EHD2: variants seen among roughly 807,000 people sequenced by gnomAD.
EHD2 encodes the protein EH domain containing 2.
A neutral mutation model predicts 41.0 loss-of-function variants in EHD2; 27 were observed. The observed-to-expected ratio is 0.66, with a 90% CI of 0.49 to 0.91. The LOEUF (loss-of-function observed/expected upper bound fraction) is 0.91. EHD2 is among the 40% of genes least tolerant of loss of function. EHD2 has a pLI of 0.00. For missense variants in EHD2, 673 were observed against 773.9 expected, an observed-to-expected ratio of 0.87 and a Z score of 1.55; for synonymous variants, 342 against 341.0, an observed-to-expected ratio of 1.00 and a Z score of -0.03.
At chr19:47,717,071 A>C in intron 2 of EHD2, 55 bp downstream of exon 2, 1 of 1,595,016 alleles carries the variant, frequency 6.3e-7, no homozygotes, top group African/African-American at 1.3e-5. Flanking sequence ...GTTAAGACAG[A>C]GTTTCCGCTC....
intron 4 of EHD2, among the ~76,000 whole-genome samples, chr19:47,731,025 G>C (rs1041690478): frequency 1.3e-5 from 2 of 151,642 alleles, no homozygotes; most frequent in African/African-American, 4.8e-5. Flanking sequence ...CTATTTTAGA[G>C]CGCTCTGAAG....
At chr19:47,732,589 T>A (rs1439727330) in intron 4 of EHD2, among the ~76,000 whole-genome samples, 2 of 151,786 alleles carry the variant, frequency 1.3e-5, no homozygotes, top group Non-Finnish European at 2.9e-5. Flanking sequence ...CCAACTAGTT[T>A]TAAAATTTTT....
intron 5 of EHD2, among the ~76,000 whole-genome samples, chr19:47,736,778 G>C (rs911706623): frequency 6.6e-6 from 1 of 152,242 alleles, no homozygotes; most frequent in Non-Finnish European, 1.5e-5. Context: ...AAAAGTCCCA[G>C]AAAGTGATCC....
intron 4 of EHD2, chr19:47,731,267 T>TTTAA (rs1319877078): frequency 4.5e-4 from 29 of 65,164 alleles, no homozygotes; most frequent in African/African-American, 1.3e-3. Flanking sequence ...TGTGATTCTT[T>TTTAA]AAAAAAAAAA....
chr19:47,726,430 G>A (rs117940518), intron 4 of EHD2: 6,084 of 480,646 alleles, frequency 0.013, 49 homozygotes, highest in Non-Finnish European at 0.018. Flanking sequence ...TCAACTCCGT[G>A]TCACCCTGGC....
At position 47,740,560 on chromosome 19, in the gene EHD2, A is replaced by G. The variant is rs187726097; in HGVS notation, c.1081-321A>G. On this transcript the variant is annotated intron_variant, in intron 5 of 5. Transcript: ENST00000263277. ...CAGGAGTTCGAGACCAGCCTGGCCA[A>G]CATGGTGAAACGCTGTCTCTATTAA... 3.5e-4 allele frequency among the ~76,000 whole-genome samples: 53 copies of G among 152,270 alleles called. No individual in the cohort carries two copies. In the East Asian group the frequency reaches 9.6e-3, roughly 28 times the overall value.
rs779838632 is a variant in EHD2, at chr19:47,727,702, T to TAA, written c.915+1493_915+1494dup. Among the ~76,000 whole-genome samples, 503 of 126,154 alleles carry TAA rather than the reference T, an allele frequency of 4.0e-3. 6 individuals carry two copies. Among genetic ancestry groups the TAA allele is most frequent in the Admixed American group, 7.2e-3 (90 of 12,424 alleles). The allele number at this position is 126,154 out of a possible 152,430, so 82.8% of individuals were successfully genotyped here. A position where few individuals can be genotyped will look rare whatever the true frequency, so the allele number is the denominator to read the frequency against. On this transcript the variant is annotated intron_variant, in intron 4 of 5. Coordinates refer to ENST00000263277, the MANE Select transcript of EHD2 (RefSeq NM_014601.4). ...CAACATAGTGAGACACCATTTCTAT[T>TAA]AAAAAAAAAAAAAAAAGTTCTGATA...
At chr19:47,725,438 G>A (rs1437123532) in intron 3 of EHD2, among the ~76,000 whole-genome samples, 1 of 150,172 alleles carries the variant, frequency 6.7e-6, no homozygotes, top group Non-Finnish European at 1.5e-5. Context: ...GTGTGGTGAT[G>A]CGCGCCTGCA....
chr19:47,738,959 G>C (rs1002396965), intron 5 of EHD2, among the ~76,000 whole-genome samples: 2 of 152,252 alleles, frequency 1.3e-5, no homozygotes, highest in South Asian at 4.1e-4. Context: ...GGGAGGGGGT[G>C]GTCCCAGGAA....
intron 4 of EHD2, among the ~76,000 whole-genome samples, chr19:47,730,038 G>C (rs1486590126): frequency 1.3e-5 from 2 of 151,956 alleles, no homozygotes; most frequent in Admixed American, 1.3e-4. Flanking sequence ...GGGTCCCTTG[G>C]CGGGAGCTGG....
At chr19:47,732,791 A>G (rs2123653946) in intron 4 of EHD2, among the ~76,000 whole-genome samples, 1 of 152,236 alleles carries the variant, frequency 6.6e-6, no homozygotes, top group African/African-American at 2.4e-5. Flanking sequence ...TCGATAATTT[A>G]TAAGATTGTG....
intron 4 of EHD2, chr19:47,731,277 A>ATATATATATATATATATATGT (rs1424865629): frequency 1.5e-4 from 4 of 26,948 alleles, no homozygotes; most frequent in Admixed American, 3.7e-4. Context: ...TAAAAAAAAA[A>ATATATATATATATATATATGT]AAATATATAT....
At chr19:47,722,569 C>CTTT (rs34332497) in intron 3 of EHD2, among the ~76,000 whole-genome samples, 14 of 145,498 alleles carry the variant, frequency 9.6e-5, no homozygotes, top group African/African-American at 1.5e-4. Flanking sequence ...ACTTCTCTCT[C>CTTT]TTTTTTTTTT....
At chr19:47,733,774 A>AAAAAAAAAAAAAAAC in intron 4 of EHD2, among the ~76,000 whole-genome samples, 1 of 149,470 alleles carries the variant, frequency 6.7e-6, no homozygotes, top group African/African-American at 2.4e-5. Context: ...AAAAAAAAAA[A>AAAAAAAAAAAAAAAC]ATCCACTGTC....
intron 4 of EHD2, among the ~76,000 whole-genome samples, chr19:47,729,121 C>T (rs1358312276): frequency 1.3e-5 from 2 of 152,136 alleles, no homozygotes; most frequent in African/African-American, 4.8e-5. Flanking sequence ...CACTGGGGCT[C>T]CTGGAGAGGA....
In EHD2 at chr19:47,741,639, C is replaced by G; in HGVS notation, c.*207C>G. On this transcript the variant is annotated 3_prime_UTR_variant, in exon 6 of 6. Coordinates refer to ENST00000263277, the MANE Select transcript of EHD2 (RefSeq NM_014601.4). This position sits in a 1 kb window ranked among gnomAD's most constrained non-coding sequence, Gnocchi z 4.5. Reference sequence around the variant, plus strand: ...ACAAGGCTTCTCTGTCCGCCCTTCACACCTCCAGCCTCACGTTCACTTAGG... The same window carrying G: ...ACAAGGCTTCTCTGTCCGCCCTTCAGACCTCCAGCCTCACGTTCACTTAGG... 1.6e-6 allele frequency: 1 copy of G among 630,224 alleles called. No homozygotes were observed. Among genetic ancestry groups the G allele is most frequent in the South Asian group, 1.9e-5 (1 of 52,274 alleles). The allele number at this position is 630,224 out of a possible 1,614,324, so 39.0% of individuals were successfully genotyped here.
At chr19:47,721,320 C>CTT (rs961360178) in intron 3 of EHD2, among the ~76,000 whole-genome samples, 44 of 146,228 alleles carry the variant, frequency 3.0e-4, no homozygotes, top group Non-Finnish European at 4.7e-4. Flanking sequence ...TGTTATGCTA[C>CTT]TTTTTTTTTT....
At chr19:47,732,669 C>A (rs373937203) in intron 4 of EHD2, among the ~76,000 whole-genome samples, 6 of 152,138 alleles carry the variant, frequency 3.9e-5, no homozygotes, top group African/African-American at 1.2e-4. Context: ...GATCCTCCCC[C>A]CTTGGCTTCC....
In EHD2 at chr19:47,736,423, AAGG is replaced by A. The variant is rs751918633; in HGVS notation, c.973_975del (p.Glu325del). 5.0e-6 allele frequency: 8 copies of A among 1,613,276 alleles called. No individual in the cohort carries two copies. On this transcript the variant is annotated inframe_deletion, in exon 5 of 6. Coordinates refer to ENST00000263277, the MANE Select transcript of EHD2 (RefSeq NM_014601.4). ...GAAGGAGATGCCCTCTGTGTTTGGGAAGGAGAACAAGAAGAAGCAGCTGATCCT... is the reference window on the plus strand; with the variant it reads ...GAAGGAGATGCCCTCTGTGTTTGGGAAGAACAAGAAGAAGCAGCTGATCCT...
Sources: allele counts gnomAD v4.1 joint callset (sites outside exome capture counted in the v4.1 genomes callset), GRCh38; gene constraint gnomAD v4.1.1; non-coding constraint Gnocchi (gnomAD v3.1); transcripts MANE v1.5; gene names NCBI Gene and HGNC (gene_info 2026-07-23, HGNC 2026-07-21).